Variants in GAB3 observed in about 807,000 individuals in gnomAD.
GAB3 encodes the protein GRB2-associated-binding protein 3.
GAB3 carries 12 observed loss-of-function variants against 40.4 expected under a neutral mutation model. That is an observed-to-expected ratio of 0.30 (90% CI 0.19 to 0.48). GAB3 has a LOEUF of 0.48. GAB3 is among the 20% of genes least tolerant of loss of function. The pLI is 0.99. For missense variants in GAB3, 381 were observed against 461.9 expected, an observed-to-expected ratio of 0.82 and a Z score of 1.61; for synonymous variants, 154 against 176.7, an observed-to-expected ratio of 0.87 and a Z score of 1.02.
At chrX:154,708,512 T>G in intron 4 of GAB3, among the ~76,000 whole-genome samples, 2 of 111,609 alleles carry the variant, frequency 1.8e-5, no homozygotes, top group Middle Eastern at 4.6e-3. Flanking sequence ...TATAAGGAAC[T>G]CACATAACTG....
rs113543081 is a variant in GAB3, at chrX:154,691,324, T to G, written c.1530+4593A>C. Among the ~76,000 whole-genome samples the G allele has an allele frequency of 2.9e-5, 3 of 104,483 alleles. No homozygotes were observed. In the Admixed American group the frequency reaches 3.1e-4, roughly 11 times the overall value. The allele number at this position is 104,483 out of a possible 115,157, so 90.7% of individuals were successfully genotyped here. A position where few individuals can be genotyped will look rare whatever the true frequency, so the allele number is the denominator to read the frequency against. ...GGGAGATATACCTAATGCTAGATGATGAGTTAGTGGGTGCAGCGCACCAGC... is the reference window on the plus strand; with the variant it reads ...GGGAGATATACCTAATGCTAGATGAGGAGTTAGTGGGTGCAGCGCACCAGC... On this transcript the variant is annotated intron_variant, in intron 8 of 9. Coordinates refer to ENST00000424127, the MANE Select transcript of GAB3 (RefSeq NM_001081573.3).
intron 1 of GAB3, among the ~76,000 whole-genome samples, chrX:154,736,859 A>C (rs1454351928): frequency 1.8e-5 from 2 of 112,294 alleles, no homozygotes. Flanking sequence ...CACACACTTC[A>C]GGCCCTAAAG....
chrX:154,716,049 A>G lies in GAB3; in HGVS notation c.353T>C (p.Leu118Pro). The G allele has an allele frequency of 8.3e-7, 1 of 1,211,343 alleles. No individual in the cohort carries two copies. The highest frequency in any genetic ancestry group is 1.1e-6 in the Non-Finnish European group (1 of 895,023). ...WVHSISQVCN[L>P]GHLEDGAADS... ...ACCTGCACCATCCTCCAGGTGGCCA[A>G]GGTTGCAGACCTGACTGATGCTGTG... is the stretch of plus-strand genomic sequence containing the variant. Residue 118 changes from leucine to proline, a missense_variant, in exon 2 of 10, where the codon CTT (leucine) becomes CCT (proline). Physicochemically the swap from Leu to Pro is moderately conservative, Grantham distance 98 (BLOSUM62 -3). Transcript: ENST00000424127.
chrX:154,736,400 T>A (rs905761584), intron 1 of GAB3, among the ~76,000 whole-genome samples: 10 of 112,389 alleles, frequency 8.9e-5, no homozygotes, highest in African/African-American at 3.2e-4. Context: ...GACAACCAGA[T>A]ACGATTTTCC....
At chrX:154,695,149 C>T in intron 8 of GAB3, among the ~76,000 whole-genome samples, 1 of 111,622 alleles carries the variant, frequency 9.0e-6, no homozygotes, top group Admixed American at 9.5e-5. Flanking sequence ...TTTCGTAGTT[C>T]AAACAGAAGC....
chrX:154,738,262 G>A (rs782766285), intron 1 of GAB3, among the ~76,000 whole-genome samples: 87 of 112,389 alleles, frequency 7.7e-4, no homozygotes, highest in Non-Finnish European at 1.2e-3. Context: ...AGCAATGATG[G>A]TCCTGGAGGA....
chrX:154,723,770 C>G (rs2071171967), intron 1 of GAB3, among the ~76,000 whole-genome samples: 1 of 111,361 alleles, frequency 9.0e-6, no homozygotes, highest in Non-Finnish European at 1.9e-5. Context: ...AGCGGAATCA[C>G]TATGCAAACA....
intron 7 of GAB3, 112 bp from the exon 8 acceptor site, chrX:154,696,131 ACTTC>A: frequency 2.5e-6 from 1 of 400,778 alleles, no homozygotes; most frequent in Non-Finnish European, 4.3e-6. Flanking sequence ...TCCAGACACA[ACTTC>A]CTTCCGGCCA....
chrX:154,723,372 C>A (rs781787469), intron 1 of GAB3, among the ~76,000 whole-genome samples: 9 of 111,618 alleles, frequency 8.1e-5, no homozygotes, highest in Admixed American at 5.7e-4. Context: ...GAGGTTTATG[C>A]TCAATGTCCA....
intron 1 of GAB3, among the ~76,000 whole-genome samples, chrX:154,719,920 GAA>G (rs1381571298): frequency 5.4e-5 from 6 of 111,799 alleles, no homozygotes; most frequent in Non-Finnish European, 9.4e-5. Flanking sequence ...GGGCTAACCT[GAA>G]GAGGCTACCA....
At chrX:154,694,099 T>A (rs1032513500) in intron 8 of GAB3, among the ~76,000 whole-genome samples, 1 of 111,731 alleles carries the variant, frequency 9.0e-6, no homozygotes, top group Non-Finnish European at 1.9e-5. Context: ...TAGGTTTGAC[T>A]ACCATATTGG....
At chrX:154,689,304 A>G (rs1557248720) in intron 8 of GAB3, among the ~76,000 whole-genome samples, 1 of 110,174 alleles carries the variant, frequency 9.1e-6, no homozygotes. Flanking sequence ...CCCACAGCCA[A>G]TATCATACTG....
At chrX:154,681,115 G>A (rs1557246758) in intron 8 of GAB3, among the ~76,000 whole-genome samples, 2 of 111,922 alleles carry the variant, frequency 1.8e-5, no homozygotes, top group African/African-American at 6.5e-5. Flanking sequence ...CATTTACTTG[G>A]GAATAGAATC....
Position 154,716,261 on chromosome X carries a change from G to A in GAB3, c.141C>T (p.Tyr47=), listed in dbSNP as rs2071044437. ...GCTTGCTGGAGTGCTTGTTCCTGTA[G>A]TACTCCAAGACATCGGGGTTGCCGC... The part of the protein sequence containing the change: ...RMSGNPDVLE[Y]YRNKHSSKPI... The change falls in exon 2 of 10, where the codon TAC becomes TAT. Residue 47 remains tyrosine, a synonymous_variant. Transcript: ENST00000424127. 1.6e-6 allele frequency: 2 copies of A among 1,212,570 alleles called. No individual in the cohort carries two copies. The highest frequency in any genetic ancestry group is 1.1e-6 in the Non-Finnish European group (1 of 895,543).
intron 1 of GAB3, among the ~76,000 whole-genome samples, chrX:154,741,230 T>C (rs1042043932): frequency 1.8e-5 from 2 of 111,983 alleles, no homozygotes; most frequent in African/African-American, 6.5e-5. Context: ...CGCCGCCACG[T>C]GGAACTTTGA....
chrX:154,717,237 G>T (rs1218556488), intron 1 of GAB3, among the ~76,000 whole-genome samples: 1 of 111,225 alleles, frequency 9.0e-6, no homozygotes, highest in Non-Finnish European at 1.9e-5. Flanking sequence ...AAAGCTCTGG[G>T]GTCAAGGGAT....
At chrX:154,682,871 C>T (rs1217593243) in intron 8 of GAB3, among the ~76,000 whole-genome samples, 5 of 110,897 alleles carry the variant, frequency 4.5e-5, no homozygotes, top group African/African-American at 3.3e-5. Context: ...CCAGCTACTT[C>T]GGAGGCTGAG....
rs1557257656 is a variant in GAB3, at chrX:154,716,323, G to A, written c.79C>T (p.Arg27Cys). 2.5e-6 allele frequency: 3 copies of A among 1,205,046 alleles called. No individual in the cohort carries two copies. The highest frequency in any genetic ancestry group is 4.4e-5 in the Admixed American group (2 of 45,406). ...CGCCGGAGGACAAACCAGCGCTTGC[G>A]CCAGGCCTGCAGAAAGGCAATTCAA... ...PERKLQRYAW[R>C]KRWFVLRRGR... The change falls in exon 2 of 10, where the codon CGC (arginine) becomes TGC (cysteine). Residue 27 changes from arginine to cysteine, a missense_variant. Physicochemically the swap from Arg to Cys is radical, Grantham distance 180. Coordinates refer to ENST00000424127, the MANE Select transcript of GAB3 (RefSeq NM_001081573.3).
chrX:154,701,068 T>C (rs782563539), intron 4 of GAB3, among the ~76,000 whole-genome samples: 2 of 111,514 alleles, frequency 1.8e-5, no homozygotes, highest in Admixed American at 1.9e-4. Context: ...TACTCTGAAG[T>C]CAGACTGTCT....
Sources: allele counts gnomAD v4.1 joint callset (sites outside exome capture counted in the v4.1 genomes callset), GRCh38; gene constraint gnomAD v4.1.1; transcripts MANE v1.5; gene names NCBI Gene and HGNC (gene_info 2026-07-23, HGNC 2026-07-21).